LUZP2: variants seen among roughly 807,000 people sequenced by gnomAD.
LUZP2 encodes the protein leucine zipper protein 2.
In LUZP2, 52 loss-of-function variants were observed where a neutral mutation model predicts 51.6. That is an observed-to-expected ratio of 1.01 (90% CI 0.81 to 1.27). The LOEUF (loss-of-function observed/expected upper bound fraction) is 1.27, where lower values mean the gene tolerates loss of function less well. Among genes scored for constraint, LUZP2 ranks in the 50% most tolerant of loss-of-function variants. The pLI, the probability that LUZP2 is intolerant of heterozygous loss-of-function variation, is 0.00. For synonymous variants in LUZP2, 154 were observed against 137.3 expected, an observed-to-expected ratio of 1.12 and a Z score of -0.85; for missense variants, 436 against 395.4, an observed-to-expected ratio of 1.10 and a Z score of -0.87.
chr11:25,066,627 AT>A (rs1019853303), intron 10 of LUZP2, among the ~76,000 whole-genome samples: 14 of 151,714 alleles, frequency 9.2e-5, no homozygotes, highest in African/African-American at 3.4e-4. Context: ...TGGGGGAGAT[AT>A]TTTTTCTTGT....
intron 1 of LUZP2, among the ~76,000 whole-genome samples, chr11:24,512,857 C>A (rs1850354762): frequency 6.6e-6 from 1 of 151,604 alleles, no homozygotes; most frequent in African/African-American, 2.4e-5. Flanking sequence ...ACAAGCAATT[C>A]TCCTGCCTCA....
At chr11:24,679,061 G>A (rs965555219) in intron 1 of LUZP2, among the ~76,000 whole-genome samples, 4 of 152,022 alleles carry the variant, frequency 2.6e-5, no homozygotes, top group South Asian at 2.1e-4. Context: ...ATATGGAGAC[G>A]GCCACTGCTA....
At chr11:24,639,700 C>T (rs1855218358) in intron 1 of LUZP2, among the ~76,000 whole-genome samples, 1 of 151,878 alleles carries the variant, frequency 6.6e-6, no homozygotes, top group South Asian at 2.1e-4. Flanking sequence ...ACCCACCCAC[C>T]TCAGCCTCCC....
intron 1 of LUZP2, among the ~76,000 whole-genome samples, chr11:24,610,352 T>TA (rs1854078820): frequency 6.6e-6 from 1 of 152,100 alleles, no homozygotes; most frequent in Non-Finnish European, 1.5e-5. Context: ...AAGGGTAACT[T>TA]ATGCAGAAAA....
chr11:24,682,521 A>G (rs1856767841), intron 1 of LUZP2, among the ~76,000 whole-genome samples: 1 of 40 alleles, frequency 0.025, no homozygotes. Context: ...AAAAATGCAA[A>G]TTCAGTAGGT....
intron 1 of LUZP2, among the ~76,000 whole-genome samples, chr11:24,708,265 C>T (rs1166006080): frequency 6.6e-6 from 1 of 152,204 alleles, no homozygotes; most frequent in Non-Finnish European, 1.5e-5. Flanking sequence ...AAATACTAAT[C>T]TCTTCCACAA....
intron 7 of LUZP2, among the ~76,000 whole-genome samples, chr11:24,945,324 T>G (rs914915354): frequency 6.6e-6 from 1 of 152,188 alleles, no homozygotes; most frequent in East Asian, 1.9e-4. Flanking sequence ...CCCATTTATT[T>G]ATAACCACAC....
chr11:24,599,535 G>A (rs906783948), intron 1 of LUZP2, among the ~76,000 whole-genome samples: 2 of 152,154 alleles, frequency 1.3e-5, no homozygotes, highest in South Asian at 4.1e-4. Flanking sequence ...TTCTGCCACA[G>A]TATCTTCCTC....
Position 24,738,283 on chromosome 11 carries a change from C to T in LUZP2, c.314C>T (p.Ala105Val), listed in dbSNP as rs1484318953. Residue 105 changes from alanine (A) to valine (V), a missense_variant, in exon 4 of 12, where the codon GCA becomes GTA. Physicochemically the swap from Ala to Val is moderately conservative, Grantham distance 64 (BLOSUM62 0). Transcript: ENST00000336930. The part of the protein sequence containing the change: ...QNQLKETSEK[A>V]EKHQATINFL... ...CAGCTTAAGGAGACATCAGAGAAAG[C>T]AGAAAAACACCAGGCTACTGTAAGT... is the stretch of plus-strand genomic sequence containing the variant. 12 of 1,611,898 alleles carry T rather than the reference C, an allele frequency of 7.4e-6. No homozygotes were observed. The highest frequency in any genetic ancestry group is 1.0e-5 in the Non-Finnish European group (12 of 1,178,534).
At chr11:24,807,345 G>A (rs1283810426) in intron 5 of LUZP2, among the ~76,000 whole-genome samples, 2 of 151,584 alleles carry the variant, frequency 1.3e-5, no homozygotes, top group South Asian at 2.1e-4. Flanking sequence ...GCCTGTAATC[G>A]CAGCTACTTG....
At chr11:24,521,951 AATATAT>A (rs534461482) in intron 1 of LUZP2, among the ~76,000 whole-genome samples, 4 of 151,896 alleles carry the variant, frequency 2.6e-5, no homozygotes, top group African/African-American at 7.2e-5. Context: ...AAATCCTGGA[AATATAT>A]ATATATATTT....
chr11:24,545,413 C>T (rs181709956), intron 1 of LUZP2, among the ~76,000 whole-genome samples: 36 of 152,042 alleles, frequency 2.4e-4, no homozygotes, highest in African/African-American at 7.9e-4. Flanking sequence ...TTTAGTTTTA[C>T]ATTTAAATGT....
chr11:24,628,125 G>A (rs1322874317), intron 1 of LUZP2, among the ~76,000 whole-genome samples: 1 of 151,876 alleles, frequency 6.6e-6, no homozygotes, highest in South Asian at 2.1e-4. Flanking sequence ...TTTAAGATGC[G>A]TACTTTTAAA....
intron 9 of LUZP2, among the ~76,000 whole-genome samples, chr11:24,992,796 T>A (rs377586326): frequency 9.2e-5 from 14 of 152,154 alleles, no homozygotes; most frequent in African/African-American, 2.9e-4. Flanking sequence ...ATGACTTCCC[T>A]ATTGAATTTA....
At chr11:24,614,317 CT>C (rs2133892596) in intron 1 of LUZP2, among the ~76,000 whole-genome samples, 1 of 152,102 alleles carries the variant, frequency 6.6e-6, no homozygotes, top group South Asian at 2.1e-4. Context: ...CTCTCTCCTA[CT>C]ATGATTCAAA....
rs149182835 is a variant in LUZP2 at position 25,009,139 on chromosome 11, A to G, written c.765+25846A>G. Among the ~76,000 whole-genome samples, 62 of 152,324 alleles carry G rather than the reference A, an allele frequency of 4.1e-4. 2 individuals carry two copies. In the East Asian group the frequency reaches 0.012, roughly 29 times the overall value. On this transcript the variant is annotated intron_variant, in intron 9 of 11. Coordinates refer to ENST00000336930, the MANE Select transcript of LUZP2 (RefSeq NM_001009909.4). ...TAATTTGTCCAAATACCATTTTAGG[A>G]CTGTGTACATTCCAACAATTTTGAG...
At chr11:24,677,767 G>A (rs1433813477) in intron 1 of LUZP2, among the ~76,000 whole-genome samples, 1 of 152,108 alleles carries the variant, frequency 6.6e-6, no homozygotes, top group Non-Finnish European at 1.5e-5. Context: ...GACAGAGAGA[G>A]GGCGGGGTGT....
chr11:24,965,011 T>G (rs542134730), intron 7 of LUZP2, among the ~76,000 whole-genome samples: 1 of 151,822 alleles, frequency 6.6e-6, no homozygotes, highest in East Asian at 1.9e-4. Context: ...CTAGAACCTA[T>G]TAATTAAGAT....
intron 1 of LUZP2, among the ~76,000 whole-genome samples, chr11:24,690,405 G>A (rs1402648891): frequency 1.3e-5 from 2 of 151,976 alleles, no homozygotes; most frequent in African/African-American, 2.4e-5. Context: ...GATTTCCAGG[G>A]AAGTTAGAGA....
Sources: gnomAD v4.1 joint callset for allele counts (sites outside exome capture counted in the v4.1 genomes callset) on GRCh38, gnomAD v4.1.1 for gene constraint, MANE v1.5 for transcripts, NCBI Gene and HGNC (gene_info 2026-07-23, HGNC 2026-07-21) for gene names.